The following HOMER2 variants were observed in gnomAD, a reference collection of about 807,000 sequenced individuals.
The protein encoded by HOMER2 is homer scaffold protein 2.
A neutral mutation model predicts 47.0 loss-of-function variants in HOMER2; 27 were observed. That is an observed-to-expected ratio of 0.57 (90% CI 0.42 to 0.79). The LOEUF (loss-of-function observed/expected upper bound fraction) is 0.79, where lower values mean the gene tolerates loss of function less well. HOMER2 is among the 30% of genes least tolerant of loss of function. The probability of loss-of-function intolerance (pLI) is 0.00; values close to 1 mark genes in which losing one functional copy is unlikely to be tolerated. For synonymous variants in HOMER2, 161 were observed against 163.8 expected (o/e 0.98, Z 0.13); for missense variants, 443 against 435.0 (o/e 1.02, Z -0.16).
chr15:82,873,220 C>G (rs1159136808), intron 3 of HOMER2, among the ~76,000 whole-genome samples: 1 of 152,194 alleles, frequency 6.6e-6, no homozygotes, highest in African/African-American at 2.4e-5. Flanking sequence ...CTCTAGGCAC[C>G]AGCCAGCTCC....
At chr15:82,895,356 C>T (rs940916374) in intron 1 of HOMER2, among the ~76,000 whole-genome samples, 5 of 152,158 alleles carry the variant, frequency 3.3e-5, no homozygotes, top group Non-Finnish European at 5.9e-5. Flanking sequence ...TGTAATTTCC[C>T]GCATCTGCTG....
rs573955174 is a variant in HOMER2, at chr15:82,981,729, C to T, written n.82+4058G>A. On this transcript the variant is annotated intron_variant and non_coding_transcript_variant, in intron 1 of 1. Coordinates refer to the HOMER2 transcript ENST00000500334. ...CTACAATGTGGATGAACCTTGAAGA[C>T]CTTATGCTAAGTAAAGCCAGTCACA... Among the ~76,000 whole-genome samples the T allele has an allele frequency of 1.2e-4, 18 of 152,266 alleles. 1 individual carries two copies. The South Asian group carries it at 3.7e-3, about 32-fold the overall frequency.
rs959426666 is a variant in HOMER2, at chr15:82,849,286, C to T, written c.*429G>A. The T allele has an allele frequency of 5.8e-5, 9 of 155,500 alleles. No individual in the cohort carries two copies. The highest frequency in any genetic ancestry group is 9.9e-5 in the Non-Finnish European group (7 of 70,422). 9.6% of individuals were successfully genotyped at this position (155,500 alleles called of 1,614,324 possible). A position where few individuals can be genotyped will look rare whatever the true frequency, so the allele number is the denominator to read the frequency against. On this transcript the variant is annotated 3_prime_UTR_variant, in exon 9 of 9. Transcript: ENST00000450735. ...AGAGAGGAATGTTGTTCTCTCTGTG[C>T]CCCCCGGGGCTGGTGTCTGGTGGAC...
At chr15:82,876,490 T>C (rs1219838246) in intron 2 of HOMER2, among the ~76,000 whole-genome samples, 1 of 152,168 alleles carries the variant, frequency 6.6e-6, no homozygotes. Flanking sequence ...ATATCAACAA[T>C]GGCTTATTCA....
At chr15:82,847,008 G>A (rs1596296730), downstream of HOMER2, 1 of 152,294 alleles carries the variant, frequency 6.6e-6, no homozygotes, top group East Asian at 1.9e-4. Context: ...TCAAGGTATA[G>A]CAGCCAGTCT....
intron 1 of HOMER2, among the ~76,000 whole-genome samples, chr15:82,948,895 G>T (rs1445105949): frequency 6.6e-6 from 1 of 152,254 alleles, no homozygotes; most frequent in Non-Finnish European, 1.5e-5. Context: ...TTAGGCTTCT[G>T]TGTGAAAAAT....
intron 1 of HOMER2, among the ~76,000 whole-genome samples, chr15:82,931,464 C>A (rs2054008911): frequency 6.7e-6 from 1 of 150,226 alleles, no homozygotes; most frequent in African/African-American, 2.5e-5. Context: ...AGTGATATGG[C>A]TTTCAATCAG....
intron 1 of HOMER2, among the ~76,000 whole-genome samples, chr15:82,928,939 C>CAAAAAAAAAAAAAA (rs1596362215): frequency 5.4e-5 from 1 of 18,690 alleles, no homozygotes; most frequent in Non-Finnish European, 8.8e-5. Context: ...AAAATAAAAA[C>CAAAAAAAAAAAAAA]TAAAAAAAAA....
chr15:82,949,000 T>A (rs1371685026), intron 1 of HOMER2, among the ~76,000 whole-genome samples: 1 of 152,024 alleles, frequency 6.6e-6, no homozygotes, highest in Non-Finnish European at 1.5e-5. Flanking sequence ...GTGAGGTGAA[T>A]GCACTCCAGA....
intron 1 of HOMER2, among the ~76,000 whole-genome samples, chr15:82,918,494 G>A (rs1365329364): frequency 1.3e-5 from 2 of 152,096 alleles, no homozygotes; most frequent in Non-Finnish European, 2.9e-5. Flanking sequence ...ACCTCAGCAG[G>A]TGAGGCTGGG....
chr15:82,944,473 A>G (rs1367135968), intron 1 of HOMER2, among the ~76,000 whole-genome samples: 3 of 152,110 alleles, frequency 2.0e-5, no homozygotes, highest in East Asian at 3.9e-4. Context: ...CCCTGGGGGG[A>G]AAAAACAAAG....
chr15:82,872,277 T>C (rs1028312131), intron 3 of HOMER2, among the ~76,000 whole-genome samples: 1 of 152,176 alleles, frequency 6.6e-6, no homozygotes, highest in East Asian at 1.9e-4. Flanking sequence ...TCTCTGCTCC[T>C]CACAGCACCT....
At chr15:82,951,961 A>C in intron 1 of HOMER2, 3 of 672,102 alleles carry the variant, frequency 4.5e-6, no homozygotes, top group Non-Finnish European at 5.5e-6. Flanking sequence ...GAGTATTTCA[A>C]CTTCCCTCCT....
At chr15:82,963,350 G>A (rs931317483) in intron 1 of HOMER2, among the ~76,000 whole-genome samples, 22 of 151,864 alleles carry the variant, frequency 1.4e-4, no homozygotes, top group African/African-American at 3.4e-4. Flanking sequence ...TCAGCCCCTC[G>A]AAGTGCTGGG....
chr15:82,931,586 C>G (rs1165143431), intron 1 of HOMER2, among the ~76,000 whole-genome samples: 1 of 150,940 alleles, frequency 6.6e-6, no homozygotes, highest in Non-Finnish European at 1.5e-5. Flanking sequence ...TGCCTATAAT[C>G]CCAGCACTTT....
At chr15:82,860,984 AGC>A (rs1397743903) in intron 4 of HOMER2, among the ~76,000 whole-genome samples, 1 of 149,596 alleles carries the variant, frequency 6.7e-6, no homozygotes, top group East Asian at 1.9e-4. Context: ...AGAGAGAGAA[AGC>A]GAAAGAGAAA....
intron 1 of HOMER2, among the ~76,000 whole-genome samples, chr15:82,983,645 G>A (rs1350166600): frequency 6.6e-6 from 1 of 151,834 alleles, no homozygotes; most frequent in African/African-American, 2.4e-5. Flanking sequence ...CTGGAGGGCA[G>A]TGGTGCAATC....
At chr15:82,933,557 C>T (rs570493086) in intron 1 of HOMER2, among the ~76,000 whole-genome samples, 2 of 152,236 alleles carry the variant, frequency 1.3e-5, no homozygotes, top group South Asian at 4.1e-4. Flanking sequence ...AAGAACCCCA[C>T]CTTCTCATCA....
chr15:82,936,585 G>GT lies in HOMER2; in HGVS notation c.5+15945dup, dbSNP rs2054147814. On this transcript the variant is annotated intron_variant, in intron 1 of 8. Transcript: ENST00000450735. The stretch of plus-strand genomic sequence containing the variant: ...GTTCTCCTATTTCTTTTTTTTGTTT[G>GT]TTTTTGAGACAGACTCTTGCTCTGT... 2.0e-5 allele frequency among the ~76,000 whole-genome samples: 3 copies of GT among 151,752 alleles called. No homozygotes were observed. In the South Asian group the frequency reaches 6.2e-4, roughly 32 times the overall value.
Sources: allele counts gnomAD v4.1 joint callset (sites outside exome capture counted in the v4.1 genomes callset), GRCh38; gene constraint gnomAD v4.1.1; transcripts MANE v1.5; gene names NCBI Gene and HGNC (gene_info 2026-07-23, HGNC 2026-07-21).